The following LRRC4C variants were observed in gnomAD, a reference collection of about 807,000 sequenced individuals.
The protein encoded by LRRC4C is leucine rich repeat containing 4C, also known as leucine-rich repeat-containing protein 4C.
LRRC4C carries 5 observed loss-of-function variants against 33.6 expected under a neutral mutation model. The ratio of observed to expected loss-of-function variants is 0.15; its 90% CI spans 0.08 to 0.31. The LOEUF is 0.31. Among genes scored for constraint, LRRC4C ranks in the 10% least tolerant of loss-of-function variants. The probability of loss-of-function intolerance (pLI) is 1.00; values close to 1 mark genes in which losing one functional copy is unlikely to be tolerated. For synonymous variants in LRRC4C, 329 were observed against 302.0 expected, an observed-to-expected ratio of 1.09 and a Z score of -0.93; for missense variants, 560 against 796.7, an observed-to-expected ratio of 0.70 and a Z score of 3.58.
intron 2 of LRRC4C, among the ~76,000 whole-genome samples, chr11:40,873,560 A>G (rs4343011): frequency 0.97 from 147,499 of 152,220 alleles, 71,640 homozygotes; most frequent in Middle Eastern, 1. Flanking sequence ...GGACACTTTG[A>G]GAAAACAGGG....
intron 3 of LRRC4C, among the ~76,000 whole-genome samples, chr11:40,587,518 T>C (rs1164749111): frequency 7.1e-6 from 1 of 139,934 alleles, no homozygotes; most frequent in Non-Finnish European, 1.5e-5. Flanking sequence ...CTATGTTGAA[T>C]AGGAGTGGTG....
At chr11:41,240,082 G>A (rs1948189571) in intron 1 of LRRC4C, among the ~76,000 whole-genome samples, 1 of 152,126 alleles carries the variant, frequency 6.6e-6, no homozygotes, top group Admixed American at 6.5e-5. Flanking sequence ...AAATGTCAAA[G>A]CTTAGACTAT....
chr11:41,068,388 C>G (rs1336308090), intron 1 of LRRC4C, among the ~76,000 whole-genome samples: 1 of 151,698 alleles, frequency 6.6e-6, no homozygotes, highest in South Asian at 2.1e-4. Context: ...GGGACTCCGT[C>G]CCCTCCCCCC....
intron 5 of LRRC4C, among the ~76,000 whole-genome samples, chr11:40,241,217 A>G (rs181130027): frequency 4.6e-4 from 70 of 152,186 alleles, no homozygotes; most frequent in South Asian, 1.0e-3. Context: ...CCCTGTCTCT[A>G]TGAAAAAATA....
intron 6 of LRRC4C, among the ~76,000 whole-genome samples, chr11:40,128,641 C>G (rs1856430126): frequency 6.6e-6 from 1 of 152,162 alleles, no homozygotes; most frequent in Non-Finnish European, 1.5e-5. Context: ...AGCCTGACCT[C>G]TGTCTGCTTC....
intron 1 of LRRC4C, among the ~76,000 whole-genome samples, chr11:41,444,960 C>T (rs1334757631): frequency 7.2e-5 from 11 of 151,990 alleles, no homozygotes; most frequent in Non-Finnish European, 4.4e-5. Flanking sequence ...TGCATCACCA[C>T]GCCCGGCTAA....
At chr11:41,304,227 G>T (rs1322650073) in intron 1 of LRRC4C, among the ~76,000 whole-genome samples, 2 of 121,580 alleles carry the variant, frequency 1.6e-5, no homozygotes, top group East Asian at 2.9e-4. Flanking sequence ...AGGTGGGGGG[G>T]TCAGCCCTCC....
chr11:41,238,739 A>G (rs1948124159), intron 1 of LRRC4C, among the ~76,000 whole-genome samples: 1 of 152,288 alleles, frequency 6.6e-6, no homozygotes, highest in Admixed American at 6.5e-5. Context: ...TCCTCTCTAC[A>G]TGCCTCTTTA....
At chr11:40,957,995 G>T (rs1194450876) in intron 1 of LRRC4C, among the ~76,000 whole-genome samples, 1 of 151,576 alleles carries the variant, frequency 6.6e-6, no homozygotes, top group Non-Finnish European at 1.5e-5. Flanking sequence ...CGTCCTAAGG[G>T]TGGAGGCTTC....
At chr11:40,907,541 T>C (rs150646709) in intron 2 of LRRC4C, among the ~76,000 whole-genome samples, 4 of 152,332 alleles carry the variant, frequency 2.6e-5, no homozygotes, top group African/African-American at 4.8e-5. Flanking sequence ...TTAAAGATAA[T>C]TGCAGAGTAT....
chr11:40,799,490 C>CTTTA (rs1468064354), intron 2 of LRRC4C, among the ~76,000 whole-genome samples: 8 of 152,206 alleles, frequency 5.3e-5, no homozygotes, highest in African/African-American at 1.9e-4. Flanking sequence ...CAGTCTCTTA[C>CTTTA]TTTATTTATT....
intron 1 of LRRC4C, among the ~76,000 whole-genome samples, chr11:41,173,166 C>A (rs1035998380): frequency 1.3e-5 from 2 of 152,104 alleles, no homozygotes; most frequent in Non-Finnish European, 2.9e-5. Flanking sequence ...ATTAGATAAA[C>A]CAATTCCTTA....
At chr11:41,448,122 G>GGTTTTTTTTT (rs1554934483) in intron 1 of LRRC4C, among the ~76,000 whole-genome samples, 53 of 46,904 alleles carry the variant, frequency 1.1e-3, no homozygotes, top group Middle Eastern at 0.021. Flanking sequence ...GCACACGTCT[G>GGTTTTTTTTT]TTTTTTTTTT....
intron 2 of LRRC4C, among the ~76,000 whole-genome samples, chr11:40,669,783 A>T (rs1394580184): frequency 6.6e-6 from 1 of 152,156 alleles, no homozygotes; most frequent in Non-Finnish European, 1.5e-5. Flanking sequence ...TGCTTTATAC[A>T]TATTTATGTC....
chr11:40,659,324 C>T (rs542112226), intron 2 of LRRC4C, among the ~76,000 whole-genome samples: 1 of 152,188 alleles, frequency 6.6e-6, no homozygotes, highest in Non-Finnish European at 1.5e-5. Flanking sequence ...CAGCCTGTGG[C>T]TGTGGATGGC....
chr11:40,546,354 C>T (rs547444966), intron 3 of LRRC4C, among the ~76,000 whole-genome samples: 1 of 152,092 alleles, frequency 6.6e-6, no homozygotes, highest in African/African-American at 2.4e-5. Flanking sequence ...ATGCTAGGTA[C>T]TTTATATTTT....
chr11:41,000,705 G>A (rs899325077), intron 1 of LRRC4C, among the ~76,000 whole-genome samples: 1 of 152,196 alleles, frequency 6.6e-6, no homozygotes. Flanking sequence ...ACTTTAACTT[G>A]CTTTACTCAT....
rs199525460 is a variant in LRRC4C at position 40,229,208 on chromosome 11, AAT to A, written c.-96+12309_-96+12310del. Among the ~76,000 whole-genome samples the A allele has an allele frequency of 1.1e-3, 173 of 152,254 alleles. 3 individuals are homozygous for A. The East Asian group carries it at 0.023, about 20-fold the overall frequency. Reference sequence around the variant, plus strand: ...CAGCCTTTTCCTCTGTAACTATTGCAATATACTATTTAAAACCCCACATTTTA... The same window carrying A: ...CAGCCTTTTCCTCTGTAACTATTGCAATACTATTTAAAACCCCACATTTTA... On this transcript the variant is annotated intron_variant, in intron 5 of 6. Coordinates refer to ENST00000528697, the MANE Select transcript of LRRC4C (RefSeq NM_001258419.2).
intron 5 of LRRC4C, among the ~76,000 whole-genome samples, chr11:40,192,071 G>C (rs1479567152): frequency 3.9e-5 from 6 of 152,100 alleles, no homozygotes; most frequent in Admixed American, 3.3e-4. Flanking sequence ...TAATCTGAAA[G>C]ATTAGACATT....
Sources: allele counts gnomAD v4.1 joint callset (sites outside exome capture counted in the v4.1 genomes callset), GRCh38; gene constraint gnomAD v4.1.1; transcripts MANE v1.5; gene names NCBI Gene and HGNC (gene_info 2026-07-23, HGNC 2026-07-21).